The following ARHGAP24 variants were observed in gnomAD, a reference collection of about 807,000 sequenced individuals.
ARHGAP24 encodes the protein rho GTPase-activating protein 24.
In ARHGAP24, 50 loss-of-function variants were observed where a neutral mutation model predicts 76.4. That is an observed-to-expected ratio of 0.65 (90% CI 0.52 to 0.83). The LOEUF (loss-of-function observed/expected upper bound fraction) is 0.83, where lower values mean the gene tolerates loss of function less well. ARHGAP24 is among the 40% of genes least tolerant of loss of function. The pLI, the probability that ARHGAP24 is intolerant of heterozygous loss-of-function variation, is 0.00. For missense variants in ARHGAP24, 930 were observed against 914.2 expected (o/e 1.02, Z -0.22); for synonymous variants, 345 against 323.3 (o/e 1.07, Z -0.72).
intron 4 of ARHGAP24, among the ~76,000 whole-genome samples, chr4:85,935,411 G>A (rs1578406434): frequency 6.6e-6 from 1 of 152,290 alleles, no homozygotes; most frequent in East Asian, 1.9e-4. Context: ...CTGACCACAG[G>A]CTCCTGTGGA....
At chr4:85,911,191 G>C (rs1735055661) in intron 3 of ARHGAP24, among the ~76,000 whole-genome samples, 1 of 152,154 alleles carries the variant, frequency 6.6e-6, no homozygotes. Flanking sequence ...TCTGCAGCCT[G>C]GTTTGGGTGG....
intron 3 of ARHGAP24, among the ~76,000 whole-genome samples, chr4:85,876,519 G>A (rs62315498): frequency 0.47 from 71,453 of 151,950 alleles, 18,284 homozygotes; most frequent in East Asian, 0.86. Context: ...TTTACCTTAT[G>A]AAACTCCTCC....
At chr4:85,799,455 AT>A (rs1407836021) in intron 3 of ARHGAP24, among the ~76,000 whole-genome samples, 1 of 152,232 alleles carries the variant, frequency 6.6e-6, no homozygotes, top group Non-Finnish European at 1.5e-5. Flanking sequence ...CTATGATAAA[AT>A]TACATGAGTC....
At chr4:85,884,856 T>C (rs1312693038) in intron 3 of ARHGAP24, among the ~76,000 whole-genome samples, 1 of 152,200 alleles carries the variant, frequency 6.6e-6, no homozygotes, top group Non-Finnish European at 1.5e-5. Context: ...AGTTTTATTA[T>C]TTCAATTTAC....
rs185900315 is a variant in ARHGAP24 at position 85,584,251 on chromosome 4, C to T, written c.180+13530C>T. Among the ~76,000 whole-genome samples, 1,162 of 152,184 alleles carry T rather than the reference C, an allele frequency of 7.6e-3. 16 individuals carry two copies. The highest frequency in any genetic ancestry group is 0.027 in the African/African-American group (1,110 of 41,514). On this transcript the variant is annotated intron_variant, in intron 2 of 9. Coordinates refer to ENST00000395184, the MANE Select transcript of ARHGAP24 (RefSeq NM_001025616.3). Reference sequence around the variant, plus strand: ...TGTGGCACATATACACCATGGAATACTATGCAGCCACAAAAAATGATGAGT... The same window carrying T: ...TGTGGCACATATACACCATGGAATATTATGCAGCCACAAAAAATGATGAGT...
intron 2 of ARHGAP24, among the ~76,000 whole-genome samples, chr4:85,717,082 T>C (rs1560599184): frequency 1.3e-5 from 2 of 152,064 alleles, no homozygotes; most frequent in African/African-American, 4.8e-5. Flanking sequence ...ACAGAGAATA[T>C]CTATCGTATT....
chr4:85,493,623 A>G (rs548319468), intron 1 of ARHGAP24, among the ~76,000 whole-genome samples: 16 of 152,224 alleles, frequency 1.1e-4, no homozygotes, highest in Middle Eastern at 6.8e-3. Context: ...ATTTTTGAAC[A>G]TTCTTCTTTT....
intron 2 of ARHGAP24, among the ~76,000 whole-genome samples, chr4:85,695,265 C>G (rs1012957129): frequency 3.3e-5 from 5 of 152,184 alleles, no homozygotes; most frequent in African/African-American, 1.2e-4. Flanking sequence ...TATGTAAGTT[C>G]TCTGCTACTT....
At chr4:85,510,811 T>G (rs576552232) in intron 1 of ARHGAP24, among the ~76,000 whole-genome samples, 3 of 51,906 alleles carry the variant, frequency 5.8e-5, no homozygotes, top group African/African-American at 2.1e-4. Flanking sequence ...TTCCTCCTCC[T>G]CCTCCTCCTC....
intron 2 of ARHGAP24, among the ~76,000 whole-genome samples, chr4:85,628,793 G>A (rs1721062158): frequency 6.6e-6 from 1 of 152,108 alleles, no homozygotes; most frequent in African/African-American, 2.4e-5. Context: ...CTTATCTAAT[G>A]TAAGTATAGA....
At chr4:85,931,003 A>G in intron 4 of ARHGAP24, 1 of 1,614,040 alleles carries the variant, frequency 6.2e-7, no homozygotes, top group Non-Finnish European at 8.5e-7. Flanking sequence ...CCCTAAAACT[A>G]CATACAGAAG....
At chr4:85,625,378 G>A (rs773111450) in intron 2 of ARHGAP24, among the ~76,000 whole-genome samples, 19 of 152,124 alleles carry the variant, frequency 1.2e-4, no homozygotes, top group South Asian at 2.1e-4. Flanking sequence ...GTAGTTGAGC[G>A]GTTTTGAGTG....
chr4:85,992,043 A>C (rs1292568578), intron 8 of ARHGAP24: 2 of 396,462 alleles, frequency 5.0e-6, no homozygotes, highest in African/African-American at 4.1e-5. Context: ...TGGTTCAGGG[A>C]AGAATTGCTG....
At chr4:85,883,872 G>A (rs935403405) in intron 3 of ARHGAP24, among the ~76,000 whole-genome samples, 6 of 151,948 alleles carry the variant, frequency 3.9e-5, no homozygotes, top group Admixed American at 2.0e-4. Flanking sequence ...CTTGCATGTT[G>A]ACCTATAATT....
At chr4:85,608,430 C>T (rs1720273020) in intron 2 of ARHGAP24, among the ~76,000 whole-genome samples, 2 of 151,794 alleles carry the variant, frequency 1.3e-5, no homozygotes, top group Admixed American at 1.3e-4. Flanking sequence ...ATAGCCTAGT[C>T]TCTGTGAGAC....
chr4:85,849,474 C>T (rs540172083), intron 3 of ARHGAP24, among the ~76,000 whole-genome samples: 113 of 152,330 alleles, frequency 7.4e-4, no homozygotes, highest in Middle Eastern at 3.4e-3. Flanking sequence ...GCCAGAACTT[C>T]CAACACTATT....
rs779519427 is a variant in ARHGAP24 at position 85,995,279 on chromosome 4, T to C, written c.1625T>C (p.Met542Thr). Residue 542 changes from methionine to threonine, a missense_variant, in exon 9 of 10, where the codon ATG becomes ACG. Physicochemically the swap from Met to Thr is moderately conservative, Grantham distance 81. Transcript: ENST00000395184. ...YDNVHQQFSM[M>T]NLDDKQSIDS... ...AATGTCCATCAACAGTTCTCCATGA[T>C]GAACCTTGATGACAAGCAGAGCATT... The C allele has an allele frequency of 1.2e-6, 2 of 1,613,960 alleles. No homozygotes were observed. The highest frequency in any genetic ancestry group is 1.7e-6 in the Non-Finnish European group (2 of 1,180,022).
chr4:85,501,092 T>C (rs1161896217), intron 1 of ARHGAP24, among the ~76,000 whole-genome samples: 1 of 152,224 alleles, frequency 6.6e-6, no homozygotes, highest in African/African-American at 2.4e-5. Context: ...CCATGGTGTA[T>C]ATGTGCCACA....
At chr4:85,750,485 C>CTTTTTTTTTTT (rs60635375) in intron 3 of ARHGAP24, among the ~76,000 whole-genome samples, 3 of 61,640 alleles carry the variant, frequency 4.9e-5, no homozygotes, top group African/African-American at 2.1e-4. Flanking sequence ...CTTTTCATTC[C>CTTTTTTTTTTT]TTTTTTTTTT....
Sources: allele counts gnomAD v4.1 joint callset (sites outside exome capture counted in the v4.1 genomes callset), GRCh38; gene constraint gnomAD v4.1.1; transcripts MANE v1.5; gene names NCBI Gene and HGNC (gene_info 2026-07-23, HGNC 2026-07-21).